Variants in MBOAT7 observed in about 807,000 individuals in gnomAD.
The protein encoded by MBOAT7 is membrane bound acylglycerophosphatidylinositol O-acyltransferase MBOAT7.
In MBOAT7, 40 loss-of-function variants were observed where a neutral mutation model predicts 47.4. The observed-to-expected ratio is 0.84, with a 90% CI of 0.66 to 1.10. The LOEUF is 1.10. Among genes scored for constraint, MBOAT7 ranks in the 50% least tolerant of loss-of-function variants. MBOAT7 has a pLI of 0.00. For missense variants in MBOAT7, 680 were observed against 655.6 expected (o/e 1.04, Z -0.41); for synonymous variants, 361 against 292.0 (o/e 1.24, Z -2.41).
chr19:54,188,278 G>C lies in MBOAT7; in HGVS notation c.145C>G (p.His49Asp). The change falls in exon 3 of 8, where the codon CAC becomes GAC. Residue 49 changes from histidine to aspartate, a missense_variant. By Grantham distance (81) the His-to-Asp change is moderately conservative. Transcript: ENST00000245615. ...LGLTLFTCGP[H>D]TLHSLVTILG... Reference sequence around the variant, plus strand: ...ATGGTGACCAGAGAATGCAAAGTGTGGGGGCCACAGGTGAACAGGGTGAGC... The same window carrying C: ...ATGGTGACCAGAGAATGCAAAGTGTCGGGGCCACAGGTGAACAGGGTGAGC... 1 of 1,614,008 alleles carries C rather than the reference G, an allele frequency of 6.2e-7. No homozygotes were observed. Among genetic ancestry groups the C allele is most frequent in the Non-Finnish European group, 8.5e-7 (1 of 1,179,972 alleles).
intron 1 of MBOAT7, 53 bp from the exon 2 acceptor site, chr19:54,188,564 C>G (rs1352039346): frequency 6.0e-6 from 9 of 1,508,476 alleles, no homozygotes; most frequent in Non-Finnish European, 8.1e-6. Context: ...AGGCCCCCTG[C>G]CTCCTCCCTC....
chr19:54,187,616 G>C (rs2076465892), intron 3 of MBOAT7, among the ~76,000 whole-genome samples: 1 of 152,230 alleles, frequency 6.6e-6, no homozygotes, highest in Non-Finnish European at 1.5e-5. Flanking sequence ...GAATGAATAT[G>C]AACGGTGGCC....
At chr19:54,182,767 C>G (rs2076324517) in intron 5 of MBOAT7, among the ~76,000 whole-genome samples, 1 of 152,046 alleles carries the variant, frequency 6.6e-6, no homozygotes, top group African/African-American at 2.4e-5. Flanking sequence ...GTGGTGTGAT[C>G]TTGGCTCACT....
Position 54,174,101 on chromosome 19 carries a change from C to T in MBOAT7, c.1362G>A (p.Arg454=), listed in dbSNP as rs1404135520. The T allele has an allele frequency of 6.2e-7, 1 of 1,607,032 alleles. No individual in the cohort carries two copies. The highest frequency in any genetic ancestry group is 1.1e-5 in the South Asian group (1 of 90,568). ...GLALGGGSPS[R]RKAASQPTSL... is the part of the protein sequence containing the mutation. ...TGGTGGGCTGGGATGCTGCCTTCCG[C>T]CGGCTGGGGCTGCCCCCACCTAAAG... The change falls in exon 8 of 8, where the codon CGG becomes CGA. Residue 454 remains arginine, a synonymous_variant. Coordinates refer to ENST00000245615, the MANE Select transcript of MBOAT7 (RefSeq NM_024298.5).
chr19:54,178,464 A>G (rs1568789144), intron 7 of MBOAT7: 5 of 1,326,854 alleles, frequency 3.8e-6, no homozygotes, highest in Non-Finnish European at 4.8e-6. Flanking sequence ...AGGTTTCTCC[A>G]TAACCTGGAC....
chr19:54,175,164 G>C (rs956406268), intron 7 of MBOAT7, among the ~76,000 whole-genome samples: 2 of 152,072 alleles, frequency 1.3e-5, no homozygotes, highest in Admixed American at 6.5e-5. Flanking sequence ...ATTTTTAGTA[G>C]AGACGGGGTT....
rs1474275122 is a variant in MBOAT7 at position 54,187,155 on chromosome 19, T to C, written c.333+6A>G. Reference sequence around the variant, plus strand: ...CTGGAGGGGAGTGGCAAGCCCCGAGTCTGACCTTCAGCGTCAGCAGCAGCT... The same window carrying C: ...CTGGAGGGGAGTGGCAAGCCCCGAGCCTGACCTTCAGCGTCAGCAGCAGCT... On this transcript the variant is annotated splice_donor_region_variant and intron_variant, in intron 4 of 7. Coordinates refer to ENST00000245615, the MANE Select transcript of MBOAT7 (RefSeq NM_024298.5). The C allele has an allele frequency of 6.4e-6, 10 of 1,557,226 alleles. No homozygotes were observed. Among genetic ancestry groups the C allele is most frequent in the East Asian group, 2.4e-5 (1 of 41,906 alleles).
intron 7 of MBOAT7, 34 bp downstream of exon 7, chr19:54,178,731 G>A (rs1281091789): frequency 1.2e-6 from 2 of 1,607,942 alleles, no homozygotes; most frequent in Non-Finnish European, 1.7e-6. Flanking sequence ...ATGTAGTTCT[G>A]CAGTGTCACC....
At chr19:54,181,989 AGGAG>A (rs376402565) in intron 5 of MBOAT7, among the ~76,000 whole-genome samples, 28,607 of 41,182 alleles carry the variant, frequency 0.69, 10,353 homozygotes, top group Non-Finnish European at 0.71. Flanking sequence ...GAGGGAAGGA[AGGAG>A]GGAGGGAGGG....
In MBOAT7 at chr19:54,176,344, C is replaced by A. The variant is rs111371118; in HGVS notation, c.1032-1913G>T. 4.2e-4 allele frequency among the ~76,000 whole-genome samples: 64 copies of A among 151,970 alleles called. No homozygotes were observed. The Middle Eastern group carries it at 0.01, about 24-fold the overall frequency. On this transcript the variant is annotated intron_variant, in intron 7 of 7. Transcript: ENST00000245615. ...TTGGCTTTCTGGTTCTTCAAGAGTGCGGAGGCTGGGTGCAATGGCTGGCAC... is the reference window on the plus strand; with the variant it reads ...TTGGCTTTCTGGTTCTTCAAGAGTGAGGAGGCTGGGTGCAATGGCTGGCAC...
At chr19:54,188,015 C>A (rs571013290) in intron 3 of MBOAT7, among the ~76,000 whole-genome samples, 1,876 of 77,474 alleles carry the variant, frequency 0.024, 22 homozygotes, top group African/African-American at 0.067. Flanking sequence ...AACTCCATCT[C>A]AGAAAGAAAG....
intron 5 of MBOAT7, 78 bp from the exon 6 acceptor site, chr19:54,181,211 C>G (rs1199077184): frequency 1.3e-5 from 19 of 1,424,184 alleles, no homozygotes; most frequent in Non-Finnish European, 1.6e-5. Context: ...GGACAGGGAG[C>G]TTGGAAGGAA....
At chr19:54,177,038 A>G (rs548517586) in intron 7 of MBOAT7, among the ~76,000 whole-genome samples, 49 of 152,088 alleles carry the variant, frequency 3.2e-4, no homozygotes, top group African/African-American at 1.2e-3. Flanking sequence ...CCTGGCCAAC[A>G]TGGTGAAACC....
At chr19:54,181,973 AGGAG>A (rs1568805670) in intron 5 of MBOAT7, among the ~76,000 whole-genome samples, 3 of 48,168 alleles carry the variant, frequency 6.2e-5, no homozygotes, top group Non-Finnish European at 7.8e-5. Context: ...GAGGGAAGGA[AGGAG>A]GGAGGGAAGG....
intron 7 of MBOAT7, among the ~76,000 whole-genome samples, chr19:54,174,772 C>A (rs2076037972): frequency 6.6e-6 from 1 of 152,082 alleles, no homozygotes; most frequent in African/African-American, 2.4e-5. Context: ...GGCCCCAGGC[C>A]CTCCCCACTC....
chr19:54,183,728 T>C, intron 4 of MBOAT7, 48 bp from the exon 5 acceptor site: 1 of 1,481,286 alleles, frequency 6.8e-7, no homozygotes, highest in Non-Finnish European at 8.9e-7. Flanking sequence ...TCTGGGCCCT[T>C]CCCCACACCC....
chr19:54,181,923 G>GA (rs2076293270), intron 5 of MBOAT7, among the ~76,000 whole-genome samples: 1 of 81,164 alleles, frequency 1.2e-5, no homozygotes, highest in South Asian at 6.7e-4. Flanking sequence ...GGGAAGGAGG[G>GA]AGGGAGGGAG....
Position 54,180,590 on chromosome 19 carries a change from AC to A in MBOAT7, c.854+182del. The stretch of plus-strand genomic sequence containing the variant: ...CTAGCAACAAGGGGCATCTGTCAGT[AC>A]CAGGGATCTTTTCCCTACCGACAGG... On this transcript the variant is annotated intron_variant, in intron 6 of 7. Transcript: ENST00000245615. This position sits in a 1 kb window ranked among gnomAD's most constrained non-coding sequence, Gnocchi z 5.2. 1 of 605,286 alleles carries A rather than the reference AC, an allele frequency of 1.7e-6. No homozygotes were observed. The highest frequency in any genetic ancestry group is 2.8e-6 in the Non-Finnish European group (1 of 351,534). 37.5% of individuals were successfully genotyped at this position (605,286 alleles called of 1,614,324 possible). A position where few individuals can be genotyped will look rare whatever the true frequency, so the allele number is the denominator to read the frequency against.
intron 4 of MBOAT7, among the ~76,000 whole-genome samples, chr19:54,185,729 G>A (rs926284440): frequency 1.3e-4 from 20 of 151,346 alleles, no homozygotes; most frequent in Middle Eastern, 6.8e-3. Context: ...AATCTTGCCC[G>A]GGAAGGCCCA....
Sources: allele counts gnomAD v4.1 joint callset (sites outside exome capture counted in the v4.1 genomes callset), GRCh38; gene constraint gnomAD v4.1.1; non-coding constraint Gnocchi (gnomAD v3.1); transcripts MANE v1.5; gene names NCBI Gene and HGNC (gene_info 2026-07-23, HGNC 2026-07-21).